TRIM13: variants seen among roughly 807,000 people sequenced by gnomAD.
TRIM13 encodes the protein tripartite motif containing 13.
A neutral mutation model predicts 27.1 loss-of-function variants in TRIM13; 15 were observed. The ratio of observed to expected loss-of-function variants is 0.55; its 90% CI spans 0.37 to 0.85. The LOEUF is 0.85. Ranked by LOEUF, TRIM13 falls within the 40% of genes least tolerant of loss-of-function variation. The pLI is 0.00. For missense variants in TRIM13, 402 were observed against 472.2 expected (o/e 0.85, Z 1.38); for synonymous variants, 193 against 171.5 (o/e 1.13, Z -0.98).
At position 49,997,275 on chromosome 13, in the gene TRIM13, G is replaced by C. The variant is rs1873332132; in HGVS notation, c.-495G>C. ...GCGAAGGCCGTCTGAGCTCCAGTCCGGCAGCGCGGCAGAAACCAGCGGGGC... is the reference window on the plus strand; with the variant it reads ...GCGAAGGCCGTCTGAGCTCCAGTCCCGCAGCGCGGCAGAAACCAGCGGGGC... On this transcript the variant is annotated 5_prime_UTR_variant, in exon 1 of 2. Coordinates refer to ENST00000378182, the MANE Select transcript of TRIM13 (RefSeq NM_213590.3). The C allele has an allele frequency of 6.5e-6, 1 of 152,842 alleles. No homozygotes were observed. The highest frequency in any genetic ancestry group is 1.5e-5 in the Non-Finnish European group (1 of 68,632). The allele number at this position is 152,842 out of a possible 1,614,324, so 9.5% of individuals were successfully genotyped here.
intron 1 of TRIM13, among the ~76,000 whole-genome samples, chr13:50,004,019 T>A (rs1292890189): frequency 6.6e-6 from 1 of 152,238 alleles, no homozygotes; most frequent in East Asian, 1.9e-4. Context: ...TTTAAGACTT[T>A]TCTAAGTATT....
At chr13:50,004,950 C>T (rs967285550) in intron 1 of TRIM13, among the ~76,000 whole-genome samples, 8 of 151,738 alleles carry the variant, frequency 5.3e-5, no homozygotes, top group Non-Finnish European at 8.8e-5. Flanking sequence ...GTGGCGGGCA[C>T]CTGTAATCCC....
Position 50,013,242 on chromosome 13 carries a change from G to A in TRIM13, c.*78G>A, listed in dbSNP as rs892820330. On this transcript the variant is annotated 3_prime_UTR_variant, in exon 2 of 2. Coordinates refer to ENST00000378182, the MANE Select transcript of TRIM13 (RefSeq NM_213590.3). ...GAGTGGTAATTCAGATTTGGTCAAC[G>A]ATTCTAGTCACATATTTTCCTCCAA... The A allele has an allele frequency of 3.7e-6, 5 of 1,353,778 alleles. No homozygotes were observed. Among genetic ancestry groups the A allele is most frequent in the Non-Finnish European group, 4.0e-6 (4 of 1,005,280 alleles). 83.9% of individuals were successfully genotyped at this position (1,353,778 alleles called of 1,614,324 possible).
At chr13:50,003,968 A>C (rs1874359774) in intron 1 of TRIM13, among the ~76,000 whole-genome samples, 3 of 152,206 alleles carry the variant, frequency 2.0e-5, no homozygotes. Flanking sequence ...TGTTGGTATA[A>C]AACATTTGGG....
rs540814481 is a variant in TRIM13 at position 50,006,309 on chromosome 13, T to C, written c.-6-5626T>C. On this transcript the variant is annotated intron_variant, in intron 1 of 1. Coordinates refer to ENST00000378182, the MANE Select transcript of TRIM13 (RefSeq NM_213590.3). ...GAAAATTCTTCTTGGCCCCTGTCGT[T>C]GTATCCTCAATTTTCTTCATAGTTT... Among the ~76,000 whole-genome samples the C allele has an allele frequency of 3.9e-5, 6 of 152,250 alleles. No homozygotes were observed. The South Asian group carries it at 8.3e-4, about 21-fold the overall frequency.
Position 50,012,552 on chromosome 13 carries a change from T to G in TRIM13, c.612T>G (p.Phe204Leu), listed in dbSNP as rs1875786184. 2 of 1,613,994 alleles carry G rather than the reference T, an allele frequency of 1.2e-6. No homozygotes were observed. The highest frequency in any genetic ancestry group is 1.7e-5 in the Admixed American group (1 of 59,994). Residue 204 changes from phenylalanine to leucine, a missense_variant, in exon 2 of 2, where the codon TTT becomes TTG. By Grantham distance (22) the Phe-to-Leu change is conservative (BLOSUM62 0). Transcript: ENST00000378182. ...DQKKNEILSD[F>L]ETMKLAVMQA... Reference sequence around the variant, plus strand: ...AGAAGAATGAAATTCTGTCTGACTTTGAGACCATGAAACTTGCTGTTATGC... The same window carrying G: ...AGAAGAATGAAATTCTGTCTGACTTGGAGACCATGAAACTTGCTGTTATGC...
chr13:50,005,167 T>G (rs879892584), intron 1 of TRIM13, among the ~76,000 whole-genome samples: 6 of 152,158 alleles, frequency 3.9e-5, no homozygotes, highest in Non-Finnish European at 7.3e-5. Context: ...CTGGGTTGAT[T>G]ACTTCAGATT....
chr13:50,012,795 G>T lies in TRIM13; in HGVS notation c.855G>T (p.Gln285His). ...TAATGAAGAACTTTGATACCAGTCA[G>T]TGGGAAGACATAAAACTAGTCGATG... is the stretch of plus-strand genomic sequence containing the variant. Reference protein sequence around the residue: ...SPLMKNFDTSQWEDIKLVDVD... With the variant: ...SPLMKNFDTSHWEDIKLVDVD... Residue 285 changes from glutamine (Q) to histidine (H), a missense_variant, in exon 2 of 2, where the codon CAG (glutamine) becomes CAT (histidine). Around this residue, in one of 2 missense-constraint regions of TRIM13, gnomAD observed 200 missense variants for 194.7 expected, o/e 1.03. Transcript: ENST00000378182. 6.2e-7 allele frequency: 1 copy of T among 1,614,104 alleles called. No homozygotes were observed. The highest frequency in any genetic ancestry group is 8.5e-7 in the Non-Finnish European group (1 of 1,180,000).
At chr13:50,001,779 A>C (rs146304812) in intron 1 of TRIM13, among the ~76,000 whole-genome samples, 18 of 152,304 alleles carry the variant, frequency 1.2e-4, no homozygotes, top group African/African-American at 4.3e-4. Context: ...GTAATACATT[A>C]ATTTTCATTT....
rs201246707 is a variant in TRIM13, at chr13:50,013,908, T to TCA, written c.*754_*755dup. 6.0e-6 allele frequency: 1 copy of TCA among 166,716 alleles called. No homozygotes were observed. Among genetic ancestry groups the TCA allele is most frequent in the Non-Finnish European group, 1.5e-5 (1 of 68,030 alleles). The allele number at this position is 166,716 out of a possible 1,614,324, so 10.3% of individuals were successfully genotyped here. A position where few individuals can be genotyped will look rare whatever the true frequency, so the allele number is the denominator to read the frequency against. On this transcript the variant is annotated 3_prime_UTR_variant, in exon 2 of 2. Coordinates refer to ENST00000378182, the MANE Select transcript of TRIM13 (RefSeq NM_213590.3). ...AAAAGGGAAGATATTGTAGAAGATT[T>TCA]CACACACACACGCGTGTGTGGGAGA... is the stretch of plus-strand genomic sequence containing the variant.
rs1876144996 is a variant in TRIM13, at chr13:50,014,590, A to AC, written c.*1427dup. 6.0e-6 allele frequency: 1 copy of AC among 166,788 alleles called. No individual in the cohort carries two copies. Among genetic ancestry groups the AC allele is most frequent in the Admixed American group, 6.6e-5 (1 of 15,248 alleles). The allele number at this position is 166,788 out of a possible 1,614,324, so 10.3% of individuals were successfully genotyped here. On this transcript the variant is annotated 3_prime_UTR_variant, in exon 2 of 2. Transcript: ENST00000378182. ...CAGATAAAACAGTCTGTCAGCTATTACAAAGTAATCAGCTGAACACTAATG... is the reference window on the plus strand; with the variant it reads ...CAGATAAAACAGTCTGTCAGCTATTACCAAAGTAATCAGCTGAACACTAATG...
intron 1 of TRIM13, among the ~76,000 whole-genome samples, chr13:49,998,723 G>T (rs935951983): frequency 1.3e-5 from 2 of 151,952 alleles, no homozygotes; most frequent in African/African-American, 4.8e-5. Context: ...GAGGTCAGGA[G>T]TTCAAGACCA....
Position 50,012,127 on chromosome 13 carries a change from G to A in TRIM13, c.187G>A (p.Ala63Thr), listed in dbSNP as rs763120204. 4 of 1,614,132 alleles carry A rather than the reference G, an allele frequency of 2.5e-6. No individual in the cohort carries two copies. The highest frequency in any genetic ancestry group is 1.7e-6 in the Non-Finnish European group (2 of 1,180,008). Residue 63 changes from alanine (A) to threonine (T), a missense_variant, in exon 2 of 2, where the codon GCT becomes ACT. Ala to Thr is a moderately conservative substitution (Grantham distance 58). This residue lies in a region of TRIM13 where 202 missense variants were observed against 277.5 expected (regional missense o/e 0.73). Coordinates refer to ENST00000378182, the MANE Select transcript of TRIM13 (RefSeq NM_213590.3). ...KCPTCRKETS[A>T]TGINSLQVNY... Reference sequence around the variant, plus strand: ...TCCTACATGCCGTAAGGAAACTTCAGCTACTGGAATTAATAGCCTGCAGGT... The same window carrying A: ...TCCTACATGCCGTAAGGAAACTTCAACTACTGGAATTAATAGCCTGCAGGT...
rs191718855 is a variant in TRIM13, at chr13:50,015,940, G to A, written c.*2776G>A. ...CAGTGTTTACAGAACAACCTTCAGCGCCGACCTGGAATGGTAACTTTTTCC... is the reference window on the plus strand; with the variant it reads ...CAGTGTTTACAGAACAACCTTCAGCACCGACCTGGAATGGTAACTTTTTCC... On this transcript the variant is annotated 3_prime_UTR_variant, in exon 2 of 2. Coordinates refer to ENST00000378182, the MANE Select transcript of TRIM13 (RefSeq NM_213590.3). 2.4e-5 allele frequency: 38 copies of A among 1,614,038 alleles called. 1 individual carries two copies. The South Asian group carries it at 3.2e-4, about 14-fold the overall frequency.
chr13:50,016,165 G>C lies in TRIM13; in HGVS notation c.*3001G>C. On this transcript the variant is annotated 3_prime_UTR_variant, in exon 2 of 2. Transcript: ENST00000378182. Reference sequence around the variant, plus strand: ...CCTCAGGCCTGTAACTTCTGGAAAAGATGATTATTCAAAATAATGTTTTGG... The same window carrying C: ...CCTCAGGCCTGTAACTTCTGGAAAACATGATTATTCAAAATAATGTTTTGG... 1 of 844,468 alleles carries C rather than the reference G, an allele frequency of 1.2e-6. No individual in the cohort carries two copies. Among genetic ancestry groups the C allele is most frequent in the Non-Finnish European group, 1.8e-6 (1 of 540,586 alleles). The allele number at this position is 844,468 out of a possible 1,614,324, so 52.3% of individuals were successfully genotyped here.
At chr13:49,998,304 G>A (rs562314546) in intron 1 of TRIM13, among the ~76,000 whole-genome samples, 1 of 152,142 alleles carries the variant, frequency 6.6e-6, no homozygotes, top group East Asian at 1.9e-4. Flanking sequence ...TCCTAAAACC[G>A]GGCTGTTCTG....
Position 50,015,469 on chromosome 13 carries a change from G to A in TRIM13, c.*2305G>A, listed in dbSNP as rs1473111620. ...GATTTCCTAAGTGTGGCTGATGGTAGCCTCTAGTTTGAAGTGAGGGAAGAA... is the reference window on the plus strand; with the variant it reads ...GATTTCCTAAGTGTGGCTGATGGTAACCTCTAGTTTGAAGTGAGGGAAGAA... On this transcript the variant is annotated 3_prime_UTR_variant, in exon 2 of 2. Coordinates refer to ENST00000378182, the MANE Select transcript of TRIM13 (RefSeq NM_213590.3). The A allele has an allele frequency of 3.3e-6, 5 of 1,521,668 alleles. No homozygotes were observed. The African/African-American group carries it at 4.1e-5, about 13-fold the overall frequency. 94.3% of individuals were successfully genotyped at this position (1,521,668 alleles called of 1,614,324 possible).
chr13:50,015,383 A>T lies in TRIM13; in HGVS notation c.*2219A>T. On this transcript the variant is annotated 3_prime_UTR_variant, in exon 2 of 2. Transcript: ENST00000378182. ...TGGGAATCTAAGTCTGGTTTTTGTT[A>T]TTCTTCCCTCCCCTCCACTGCATAA... 1.2e-6 allele frequency: 1 copy of T among 807,496 alleles called. No homozygotes were observed. 50.0% of individuals were successfully genotyped at this position (807,496 alleles called of 1,614,324 possible). A position where few individuals can be genotyped will look rare whatever the true frequency, so the allele number is the denominator to read the frequency against.
At chr13:50,004,207 A>G (rs1307248627) in intron 1 of TRIM13, among the ~76,000 whole-genome samples, 1 of 152,196 alleles carries the variant, frequency 6.6e-6, no homozygotes, top group Non-Finnish European at 1.5e-5. Context: ...TTGCCTGTAT[A>G]ATCAGCACTT....
Sources: allele counts gnomAD v4.1 joint callset (sites outside exome capture counted in the v4.1 genomes callset), GRCh38; gene constraint gnomAD v4.1.1; regional missense constraint gnomAD v4.1.1; transcripts MANE v1.5; gene names NCBI Gene and HGNC (gene_info 2026-07-23, HGNC 2026-07-21).